AMPH: variants seen among roughly 807,000 people sequenced by gnomAD.
AMPH encodes the protein amphiphysin.
A neutral mutation model predicts 99.1 loss-of-function variants in AMPH; 49 were observed. The observed-to-expected ratio is 0.49, with a 90% CI of 0.39 to 0.63. The LOEUF (loss-of-function observed/expected upper bound fraction) is 0.63, where lower values mean the gene tolerates loss of function less well. Among genes scored for constraint, AMPH ranks in the 20% least tolerant of loss-of-function variants. AMPH has a pLI of 0.00. For missense variants in AMPH, 759 were observed against 863.4 expected (o/e 0.88, Z 1.52); for synonymous variants, 314 against 317.3 (o/e 0.99, Z 0.11).
chr7:38,517,253 TG>T (rs2129032794), intron 2 of AMPH, among the ~76,000 whole-genome samples: 1 of 152,294 alleles, frequency 6.6e-6, no homozygotes, highest in South Asian at 2.1e-4. Flanking sequence ...CATGTCAAAT[TG>T]TAAACCCAAG....
chr7:38,481,856 T>C (rs1344113481), intron 5 of AMPH, among the ~76,000 whole-genome samples: 1 of 152,178 alleles, frequency 6.6e-6, no homozygotes, highest in African/African-American at 2.4e-5. Flanking sequence ...CCGAGTATTC[T>C]ACTAATAATT....
chr7:38,468,011 A>G (rs1330112716), intron 7 of AMPH, among the ~76,000 whole-genome samples: 1 of 152,154 alleles, frequency 6.6e-6, no homozygotes, highest in East Asian at 1.9e-4. Context: ...AACCCTAATG[A>G]ATATCTATGA....
At chr7:38,523,987 CATCTT>C (rs1221697557) in intron 2 of AMPH, among the ~76,000 whole-genome samples, 1 of 152,166 alleles carries the variant, frequency 6.6e-6, no homozygotes, top group East Asian at 1.9e-4. Context: ...TGGCAGATAT[CATCTT>C]ATCTTACTAG....
chr7:38,389,980 C>A (rs1784444613), intron 19 of AMPH, 75 bp from the exon 20 acceptor site: 3 of 1,151,882 alleles, frequency 2.6e-6, no homozygotes, highest in South Asian at 1.2e-5. Flanking sequence ...AGTCACTCTC[C>A]AACCTGGATG....
intron 7 of AMPH, among the ~76,000 whole-genome samples, chr7:38,467,682 T>C (rs1461472618): frequency 1.5e-5 from 2 of 133,428 alleles, no homozygotes; most frequent in Non-Finnish European, 3.2e-5. Flanking sequence ...AATAAGCAGA[T>C]TTTATATATA....
chr7:38,525,132 G>T (rs1033929513), intron 2 of AMPH, among the ~76,000 whole-genome samples: 2 of 150,726 alleles, frequency 1.3e-5, no homozygotes, highest in African/African-American at 2.4e-5. Flanking sequence ...GTGTGTGTGT[G>T]TATATATATA....
chr7:38,490,021 G>A (rs1432305985), intron 5 of AMPH, among the ~76,000 whole-genome samples: 4 of 152,022 alleles, frequency 2.6e-5, no homozygotes, highest in African/African-American at 9.7e-5. Context: ...GCAATAAACA[G>A]TACTCTGAAG....
At chr7:38,391,250 G>A (rs751571649) in intron 19 of AMPH, among the ~76,000 whole-genome samples, 2 of 152,136 alleles carry the variant, frequency 1.3e-5, no homozygotes, top group South Asian at 2.1e-4. Flanking sequence ...TAACTTAGCC[G>A]CCTTTTTTTT....
At chr7:38,447,686 A>C (rs1404758238) in intron 11 of AMPH, among the ~76,000 whole-genome samples, 9 of 151,880 alleles carry the variant, frequency 5.9e-5, no homozygotes, top group Non-Finnish European at 1.3e-4. Context: ...CCTCAAAAAA[A>C]CCACTTAGAA....
rs1163416323 is a variant in AMPH at position 38,610,379 on chromosome 7, AAAG to A, written c.69+20901_69+20903del. Among the ~76,000 whole-genome samples the A allele has an allele frequency of 1.5e-3, 81 of 54,336 alleles. 14 individuals are homozygous for A. Among genetic ancestry groups the A allele is most frequent in the African/African-American group, 2.0e-3 (23 of 11,576 alleles). The allele number at this position is 54,336 out of a possible 152,430, so 35.6% of individuals were successfully genotyped here. ...AAAAGAAAAGAAAAGAAAAGAAAGG[AAAG>A]GAAAAGAAAAGAAAAGAAAAGAAAA... On this transcript the variant is annotated intron_variant, in intron 1 of 20. Coordinates refer to ENST00000356264, the MANE Select transcript of AMPH (RefSeq NM_001635.4).
chr7:38,495,560 T>C (rs6951641), intron 3 of AMPH, among the ~76,000 whole-genome samples: 93,282 of 151,352 alleles, frequency 0.62, 29,389 homozygotes, highest in African/African-American at 0.74. Flanking sequence ...GAGAGAAAAC[T>C]CAGTGTACAA....
At chr7:38,512,240 G>A (rs1415977558) in intron 2 of AMPH, among the ~76,000 whole-genome samples, 5 of 152,170 alleles carry the variant, frequency 3.3e-5, no homozygotes, top group African/African-American at 1.2e-4. Flanking sequence ...CCATGTTGGG[G>A]CTTACAAGGT....
chr7:38,429,085 G>T (rs749581613), intron 14 of AMPH: 1 of 1,290,354 alleles, frequency 7.7e-7, no homozygotes, highest in South Asian at 1.2e-5. Flanking sequence ...CCTGCCCACA[G>T]AGAATCTTCC....
At chr7:38,591,113 T>C (rs1292807167) in intron 1 of AMPH, among the ~76,000 whole-genome samples, 2 of 152,124 alleles carry the variant, frequency 1.3e-5, no homozygotes, top group East Asian at 3.9e-4. Context: ...ATCATTATCA[T>C]AGGGCTAGGT....
At chr7:38,412,979 T>A (rs1785256813) in intron 17 of AMPH, among the ~76,000 whole-genome samples, 1 of 152,174 alleles carries the variant, frequency 6.6e-6, no homozygotes, top group Non-Finnish European at 1.5e-5. Flanking sequence ...AGGGACTGGG[T>A]CCATTGCCAT....
chr7:38,614,524 C>A (rs4720293), intron 1 of AMPH, among the ~76,000 whole-genome samples: 3 of 152,120 alleles, frequency 2.0e-5, no homozygotes, highest in South Asian at 2.1e-4. Context: ...TTGGAGAAAT[C>A]GGCCCTTTGC....
chr7:38,600,494 T>A (rs1332537485), intron 1 of AMPH, among the ~76,000 whole-genome samples: 1 of 152,206 alleles, frequency 6.6e-6, no homozygotes, highest in Non-Finnish European at 1.5e-5. Context: ...AAGGTTTTAT[T>A]TTTAAAACAG....
At chr7:38,457,659 C>T (rs1239943806) in intron 11 of AMPH, among the ~76,000 whole-genome samples, 1 of 152,164 alleles carries the variant, frequency 6.6e-6, no homozygotes, top group Non-Finnish European at 1.5e-5. Context: ...TTGAAAACAT[C>T]CCAAGTCTAG....
chr7:38,610,125 A>G (rs56124756), intron 1 of AMPH, among the ~76,000 whole-genome samples: 5,245 of 149,894 alleles, frequency 0.035, 368 homozygotes, highest in African/African-American at 0.12. Context: ...AATCCCAGCT[A>G]CTCGGGAGGC....
Sources: gnomAD v4.1 joint callset for allele counts (sites outside exome capture counted in the v4.1 genomes callset) on GRCh38, gnomAD v4.1.1 for gene constraint, MANE v1.5 for transcripts, NCBI Gene and HGNC (gene_info 2026-07-23, HGNC 2026-07-21) for gene names.